FGF13: variants seen among roughly 807,000 people sequenced by gnomAD.
FGF13 encodes fibroblast growth factor homologous factor 2.
FGF13 carries 2 observed loss-of-function variants against 19.5 expected under a neutral mutation model. The ratio of observed to expected loss-of-function variants is 0.10; its 90% CI spans 0.04 to 0.32. The LOEUF (loss-of-function observed/expected upper bound fraction) is 0.32. FGF13 is among the 10% of genes least tolerant of loss of function. FGF13 has a pLI of 1.00. For missense variants in FGF13, 113 were observed against 192.7 expected (o/e 0.59, Z 2.45); for synonymous variants, 72 against 76.9 (o/e 0.94, Z 0.33).
chrX:138,732,846 A>T (rs2090243152), intron 1 of FGF13, among the ~76,000 whole-genome samples: 1 of 111,348 alleles, frequency 9.0e-6, no homozygotes, highest in South Asian at 3.8e-4. Context: ...GTGCAGAAGA[A>T]TACTTACAGA....
intron 1 of FGF13, among the ~76,000 whole-genome samples, chrX:139,082,480 A>C (rs2083377409): frequency 8.9e-6 from 1 of 111,898 alleles, no homozygotes; most frequent in African/African-American, 3.3e-5. Context: ...TGCTGCATTA[A>C]AGTGGGCTCT....
At chrX:138,659,026 A>G (rs913629647) in intron 3 of FGF13, among the ~76,000 whole-genome samples, 6 of 111,924 alleles carry the variant, frequency 5.4e-5, no homozygotes, top group African/African-American at 1.9e-4. Flanking sequence ...TCAATCTTAC[A>G]TAATCTTGAA....
At chrX:139,137,320 G>C (rs1376379273) in intron 1 of FGF13, among the ~76,000 whole-genome samples, 1 of 112,162 alleles carries the variant, frequency 8.9e-6, no homozygotes, top group African/African-American at 3.2e-5. Flanking sequence ...TGCATGGTTA[G>C]GCAAACACAC....
intron 1 of FGF13, among the ~76,000 whole-genome samples, chrX:139,200,928 T>G (rs2084410145): frequency 8.9e-6 from 1 of 112,135 alleles, no homozygotes; most frequent in Non-Finnish European, 1.9e-5. Flanking sequence ...GAATATCTGC[T>G]TGAACAAACA....
At position 139,058,472 on chromosome X, in the gene FGF13, T is replaced by C. The variant is rs998948635; in HGVS notation, c.-113+144944A>G. 1.4e-4 allele frequency among the ~76,000 whole-genome samples: 16 copies of C among 111,850 alleles called. 1 individual carries two copies. Among genetic ancestry groups the C allele is most frequent in the Admixed American group, 1.4e-3 (15 of 10,545 alleles). On this transcript the variant is annotated intron_variant, in intron 1 of 2. Transcript: ENST00000421460. ...TCCATCAATCCATTTATTTAACAAA[T>C]ACTGACTCATAAACCTCCACAGTCA...
rs188189983 is a variant in FGF13 at position 139,049,148 on chromosome X, T to C, written c.-113+154268A>G. 8.1e-5 allele frequency among the ~76,000 whole-genome samples: 9 copies of C among 110,966 alleles called. No individual in the cohort carries two copies. The East Asian group carries it at 2.5e-3, about 31-fold the overall frequency. ...GCCAAATATCACATATTCTCACTCA[T>C]ATGTGGAAGCTAAAAAAATTGAAAT... On this transcript the variant is annotated intron_variant, in intron 1 of 2. Coordinates refer to the FGF13 transcript ENST00000421460.
intron 1 of FGF13, among the ~76,000 whole-genome samples, chrX:138,880,065 C>A (rs1240990015): frequency 8.9e-6 from 1 of 111,972 alleles, no homozygotes; most frequent in Admixed American, 9.5e-5. Context: ...ATGTGACCAA[C>A]AAACGTATGA....
intron 1 of FGF13, among the ~76,000 whole-genome samples, chrX:138,916,147 T>G (rs2091617130): frequency 8.9e-6 from 1 of 111,866 alleles, no homozygotes; most frequent in Non-Finnish European, 1.9e-5. Context: ...GTTCCATAAT[T>G]CGCAGTGAGT....
intron 3 of FGF13, among the ~76,000 whole-genome samples, chrX:138,828,569 CAA>C (rs11351814): frequency 7.1e-4 from 34 of 48,024 alleles, no homozygotes; most frequent in Admixed American, 6.5e-3. Context: ...GACTCCGTCT[CAA>C]AAAAAAAAAA....
chrX:138,955,052 T>C (rs755804333), intron 1 of FGF13, among the ~76,000 whole-genome samples: 24 of 111,448 alleles, frequency 2.2e-4, no homozygotes, highest in Non-Finnish European at 3.2e-4. Context: ...ACTGGACATA[T>C]AGTATAGATC....
Position 139,064,281 on chromosome X carries a change from C to CTTTTTTTTTTTTT in FGF13, c.-113+139122_-113+139134dup, listed in dbSNP as rs139084376. ...GCATAGAGCAGAGTTCTTTTTTTTT[C>CTTTTTTTTTTTTT]TTTTTTTTTTTTTTTTTTTTTTTTT... On this transcript the variant is annotated intron_variant, in intron 1 of 2. Transcript: ENST00000421460. Among the ~76,000 whole-genome samples, 10 of 23,161 alleles carry CTTTTTTTTTTTTT rather than the reference C, an allele frequency of 4.3e-4. 1 individual carries two copies. The highest frequency in any genetic ancestry group is 8.1e-4 in the Admixed American group (1 of 1,241). The allele number at this position is 23,161 out of a possible 115,157, so 20.1% of individuals were successfully genotyped here. A position where few individuals can be genotyped will look rare whatever the true frequency, so the allele number is the denominator to read the frequency against.
chrX:138,890,480 C>CA lies in FGF13; in HGVS notation c.-112-25831dup, dbSNP rs374052571. Among the ~76,000 whole-genome samples the CA allele has an allele frequency of 8.0e-3, 866 of 108,579 alleles. 11 individuals carry two copies. The highest frequency in any genetic ancestry group is 0.028 in the African/African-American group (824 of 29,947). 94.3% of individuals were successfully genotyped at this position (108,579 alleles called of 115,157 possible). A position where few individuals can be genotyped will look rare whatever the true frequency, so the allele number is the denominator to read the frequency against. ...ATGGCAACAGCAATGATACCAATGA[C>CA]AAAAAAAAATAGGTCTTTCTCTTTG... On this transcript the variant is annotated intron_variant, in intron 1 of 2. Transcript: ENST00000421460.
intron 3 of FGF13, among the ~76,000 whole-genome samples, chrX:138,637,958 C>T (rs2089202722): frequency 9.0e-6 from 1 of 111,620 alleles, no homozygotes. Flanking sequence ...TAACTGGAAT[C>T]CACCATCCTG....
intron 1 of FGF13, among the ~76,000 whole-genome samples, chrX:138,984,589 A>G (rs866649978): frequency 1.8e-4 from 3 of 17,027 alleles, no homozygotes; most frequent in African/African-American, 6.0e-4. Context: ...AAGAAGAAGA[A>G]GGAGGAGGAG....
intron 1 of FGF13, among the ~76,000 whole-genome samples, chrX:139,068,437 TC>T (rs2092364630): frequency 1.0e-5 from 1 of 98,799 alleles, no homozygotes; most frequent in Non-Finnish European, 2.0e-5. Context: ...CCAGCTTTGT[TC>T]CTTTGGCTTA....
intron 1 of FGF13, among the ~76,000 whole-genome samples, chrX:139,038,756 C>A (rs896045923): frequency 8.9e-6 from 1 of 111,894 alleles, no homozygotes; most frequent in Non-Finnish European, 1.9e-5. Context: ...TTATTTCCCT[C>A]ATAAAATTTT....
chrX:138,769,162 G>T (rs1318819156), intron 3 of FGF13, among the ~76,000 whole-genome samples: 3 of 111,596 alleles, frequency 2.7e-5, no homozygotes, highest in Admixed American at 1.9e-4. Flanking sequence ...CTATTTAATG[G>T]TAGTCATTGA....
intron 1 of FGF13, among the ~76,000 whole-genome samples, chrX:138,983,659 T>C (rs1384580737): frequency 9.1e-6 from 1 of 110,109 alleles, no homozygotes; most frequent in Non-Finnish European, 1.9e-5. Context: ...CCATATGATC[T>C]AGCAATACCA....
At chrX:138,991,753 C>G (rs1330751826) in intron 1 of FGF13, among the ~76,000 whole-genome samples, 1 of 112,039 alleles carries the variant, frequency 8.9e-6, no homozygotes, top group African/African-American at 3.2e-5. Context: ...GTTGTATAAT[C>G]TTATGTAATA....
Sources: gnomAD v4.1 joint callset for allele counts (sites outside exome capture counted in the v4.1 genomes callset) on GRCh38, gnomAD v4.1.1 for gene constraint, MANE v1.5 for transcripts, NCBI Gene and HGNC (gene_info 2026-07-23, HGNC 2026-07-21) for gene names.